CAST: variants seen among roughly 807,000 people sequenced by gnomAD.
The protein encoded by CAST is MIR583 host.
CAST carries 76 observed loss-of-function variants against 119.6 expected under a neutral mutation model. That is an observed-to-expected ratio of 0.64 (90% CI 0.53 to 0.77). The LOEUF (loss-of-function observed/expected upper bound fraction) is 0.77, where lower values mean the gene tolerates loss of function less well. CAST is among the 30% of genes least tolerant of loss of function. The pLI, the probability that CAST is intolerant of heterozygous loss-of-function variation, is 0.00. For synonymous variants in CAST, 319 were observed against 331.6 expected (o/e 0.96, Z 0.41); for missense variants, 953 against 946.5 (o/e 1.01, Z -0.09).
intron 1 of CAST, among the ~76,000 whole-genome samples, chr5:96,540,628 T>C (rs1210526089): frequency 6.6e-6 from 1 of 152,208 alleles, no homozygotes; most frequent in East Asian, 1.9e-4. Flanking sequence ...TTATTTAGAT[T>C]GCTTTAGTTT....
At chr5:96,658,748 G>A (rs1285145346), upstream of CAST, among the ~76,000 whole-genome samples, 1 of 152,218 alleles carries the variant, frequency 6.6e-6, no homozygotes, top group Admixed American at 6.5e-5. Context: ...ACCCTAGGAT[G>A]TAGGTACTCA....
chr5:96,284,073 G>T, the CAST span, among the ~76,000 whole-genome samples: 5 of 152,150 alleles, frequency 3.3e-5, no homozygotes, highest in Non-Finnish European at 7.4e-5. Context: ...AGTCGTGAGG[G>T]CTCACCTTCT....
chr5:96,378,688 A>C, the CAST span, among the ~76,000 whole-genome samples: 1 of 152,108 alleles, frequency 6.6e-6, no homozygotes, highest in Non-Finnish European at 1.5e-5. Flanking sequence ...TATTTTTAAA[A>C]CTTTTGGCAC....
intron 3 of CAST, among the ~76,000 whole-genome samples, chr5:96,701,301 G>C (rs762225384): frequency 6.6e-6 from 1 of 152,124 alleles, no homozygotes; most frequent in Non-Finnish European, 1.5e-5. Context: ...TCAGAGATAG[G>C]CATCATTGAG....
chr5:96,073,785 G>A, the CAST span, among the ~76,000 whole-genome samples: 2 of 152,190 alleles, frequency 1.3e-5, no homozygotes, highest in Non-Finnish European at 2.9e-5. Flanking sequence ...TCTGCTGTGC[G>A]ACCCTGTTCC....
chr5:96,241,221 C>A, the CAST span, among the ~76,000 whole-genome samples: 1 of 117,562 alleles, frequency 8.5e-6, no homozygotes, highest in East Asian at 2.8e-4. Context: ...CCTCCCCCCA[C>A]CCCACAACAG....
chr5:96,270,760 G>A, the CAST span, among the ~76,000 whole-genome samples: 5,989 of 152,122 alleles, frequency 0.039, 166 homozygotes, highest in Middle Eastern at 0.061. Context: ...AATGAATGCT[G>A]GGCTTAATTC....
the CAST span, among the ~76,000 whole-genome samples, chr5:96,087,340 T>C: frequency 6.6e-6 from 1 of 152,226 alleles, no homozygotes. Flanking sequence ...CACCTAAAAC[T>C]TGAAAAACCA....
the CAST span, among the ~76,000 whole-genome samples, chr5:96,125,843 A>T: frequency 6.6e-6 from 1 of 151,906 alleles, no homozygotes; most frequent in Non-Finnish European, 1.5e-5. Flanking sequence ...CTTCCTTTCC[A>T]AACCGGCAGT....
chr5:96,364,387 G>T, the CAST span, among the ~76,000 whole-genome samples: 3 of 152,178 alleles, frequency 2.0e-5, no homozygotes, highest in Non-Finnish European at 4.4e-5. Flanking sequence ...GTATTGATTG[G>T]AATAGTTTCA....
the CAST span, among the ~76,000 whole-genome samples, chr5:96,019,562 A>G: frequency 1.3e-5 from 2 of 152,088 alleles, no homozygotes; most frequent in African/African-American, 2.4e-5. Flanking sequence ...AATGACTGAA[A>G]CTATTGTAAT....
chr5:96,328,046 G>T, the CAST span, among the ~76,000 whole-genome samples: 1 of 152,190 alleles, frequency 6.6e-6, no homozygotes, highest in Non-Finnish European at 1.5e-5. Context: ...CTGAAATGAG[G>T]ACACATGTAG....
intron 2 of CAST, among the ~76,000 whole-genome samples, chr5:96,694,230 T>C (rs902542434): frequency 1.3e-5 from 2 of 152,268 alleles, no homozygotes; most frequent in Non-Finnish European, 2.9e-5. Flanking sequence ...TAGAACACTT[T>C]AATGTGTTAT....
At chr5:96,088,160 G>A in the CAST span, among the ~76,000 whole-genome samples, 2 of 152,142 alleles carry the variant, frequency 1.3e-5, no homozygotes, top group Non-Finnish European at 2.9e-5. Flanking sequence ...TTAGTAATGC[G>A]TACTTACTTG....
chr5:96,140,617 A>G, the CAST span, among the ~76,000 whole-genome samples: 1 of 152,216 alleles, frequency 6.6e-6, no homozygotes, highest in South Asian at 2.1e-4. Flanking sequence ...GACCTCTCCA[A>G]TCTTCAAATT....
At chr5:96,656,387 T>G (rs868795447) in intron 1 of CAST, among the ~76,000 whole-genome samples, 23 of 152,202 alleles carry the variant, frequency 1.5e-4, no homozygotes, top group Non-Finnish European at 2.2e-4. Flanking sequence ...CAAAGCCTTT[T>G]GAGTGCAACT....
the CAST span, among the ~76,000 whole-genome samples, chr5:96,387,590 T>C: frequency 6.6e-6 from 1 of 152,160 alleles, no homozygotes; most frequent in Non-Finnish European, 1.5e-5. Flanking sequence ...TCAGTAAGCA[T>C]TTTCTTATCC....
At chr5:96,173,106 G>A in the CAST span, among the ~76,000 whole-genome samples, 105 of 152,270 alleles carry the variant, frequency 6.9e-4, no homozygotes, top group Non-Finnish European at 1.3e-3. Context: ...CGACTGGCTG[G>A]GAAGGTGAAT....
At chr5:96,560,425 CA>C (rs1746333407) in intron 1 of CAST, among the ~76,000 whole-genome samples, 1 of 151,454 alleles carries the variant, frequency 6.6e-6, no homozygotes. Flanking sequence ...AGGCAACCTA[CA>C]AAATGGGAGA....
Sources: allele counts gnomAD v4.1 joint callset (sites outside exome capture counted in the v4.1 genomes callset), GRCh38; gene constraint gnomAD v4.1.1; transcripts MANE v1.5; gene names NCBI Gene and HGNC (gene_info 2026-07-23, HGNC 2026-07-21).